The following NEK7 variants were observed in gnomAD, a reference collection of about 807,000 sequenced individuals.
NEK7 encodes NIMA related kinase 7.
NEK7 carries 18 observed loss-of-function variants against 44.6 expected under a neutral mutation model. The ratio of observed to expected loss-of-function variants is 0.40; its 90% CI spans 0.28 to 0.60. The LOEUF (loss-of-function observed/expected upper bound fraction) is 0.60, where lower values mean the gene tolerates loss of function less well. Ranked by LOEUF, NEK7 falls within the 20% of genes least tolerant of loss-of-function variation. The probability of loss-of-function intolerance (pLI) is 0.38; values close to 1 mark genes in which losing one functional copy is unlikely to be tolerated. For missense variants in NEK7, 256 were observed against 366.5 expected, an observed-to-expected ratio of 0.70 and a Z score of 2.46; for synonymous variants, 130 against 121.1, an observed-to-expected ratio of 1.07 and a Z score of -0.48.
At chr1:198,231,113 A>T (rs1340372718) in intron 1 of NEK7, among the ~76,000 whole-genome samples, 4 of 151,288 alleles carry the variant, frequency 2.6e-5, no homozygotes, top group Non-Finnish European at 1.5e-5. Flanking sequence ...AAGACTTTAT[A>T]ATAAGCTATA....
chr1:198,311,691 A>G (rs1403027276), intron 9 of NEK7, among the ~76,000 whole-genome samples: 5 of 152,188 alleles, frequency 3.3e-5, no homozygotes, highest in African/African-American at 4.8e-5. Context: ...ATCTATTGAG[A>G]TAATCATGTG....
chr1:198,316,789 A>T (rs1036704851), intron 9 of NEK7, among the ~76,000 whole-genome samples: 1 of 152,256 alleles, frequency 6.6e-6, no homozygotes, highest in Admixed American at 6.5e-5. Context: ...GAACAATTGA[A>T]TGAACGGATG....
intron 1 of NEK7, among the ~76,000 whole-genome samples, chr1:198,210,955 T>G (rs1460872294): frequency 6.6e-6 from 1 of 151,784 alleles, no homozygotes; most frequent in African/African-American, 2.4e-5. Context: ...GGTTTCACCG[T>G]TTTAGCCGGG....
intron 3 of NEK7, among the ~76,000 whole-genome samples, chr1:198,255,067 G>A (rs1344689042): frequency 6.6e-6 from 1 of 152,118 alleles, no homozygotes; most frequent in Non-Finnish European, 1.5e-5. Flanking sequence ...ATGGGTTCCT[G>A]ATTTAAATAA....
intron 1 of NEK7, among the ~76,000 whole-genome samples, chr1:198,209,809 TA>T (rs1665711829): frequency 6.6e-6 from 1 of 151,960 alleles, no homozygotes; most frequent in Non-Finnish European, 1.5e-5. Context: ...GTCTAATATT[TA>T]TTTATATTTT....
chr1:198,218,254 T>A (rs10801652), intron 1 of NEK7, among the ~76,000 whole-genome samples: 1 of 151,600 alleles, frequency 6.6e-6, no homozygotes, highest in African/African-American at 2.4e-5. Flanking sequence ...AGAGAACCTC[T>A]AAATAAAGAC....
At chr1:198,210,473 T>C (rs935755648) in intron 1 of NEK7, among the ~76,000 whole-genome samples, 1 of 152,204 alleles carries the variant, frequency 6.6e-6, no homozygotes, top group Non-Finnish European at 1.5e-5. Flanking sequence ...GTTAGACTTA[T>C]ACTTTGTTTC....
At chr1:198,194,318 CG>C (rs922366809) in intron 1 of NEK7, among the ~76,000 whole-genome samples, 3 of 143,072 alleles carry the variant, frequency 2.1e-5, no homozygotes, top group South Asian at 4.4e-4. Flanking sequence ...TTTTTAAGTT[CG>C]GGGCATGTGG....
rs551213448 is a variant in NEK7 at position 198,269,185 on chromosome 1, A to G, written c.372+4950A>G. Among the ~76,000 whole-genome samples the G allele has an allele frequency of 4.5e-4, 68 of 152,236 alleles. 1 individual carries two copies. The highest frequency in any genetic ancestry group is 4.3e-3 in the Admixed American group (66 of 15,272). On this transcript the variant is annotated intron_variant, in intron 5 of 9. Coordinates refer to ENST00000367385, the MANE Select transcript of NEK7 (RefSeq NM_133494.3). ...TCTTCAGCTTCTAGCTCATAGCACC[A>G]ACTTCAATAAATATGTAGTGAATAG...
intron 2 of NEK7, among the ~76,000 whole-genome samples, chr1:198,234,734 C>T (rs1412768299): frequency 6.6e-6 from 1 of 152,296 alleles, no homozygotes; most frequent in Non-Finnish European, 1.5e-5. Flanking sequence ...GTTTATGCCT[C>T]CTGCTGCTGC....
At chr1:198,186,610 AG>A (rs773357125) in intron 1 of NEK7, among the ~76,000 whole-genome samples, 4 of 152,220 alleles carry the variant, frequency 2.6e-5, no homozygotes, top group Non-Finnish European at 5.9e-5. Context: ...CATGACAGAC[AG>A]TCTTTCCTGA....
chr1:198,197,971 G>A (rs995804813), intron 1 of NEK7: 1 of 1,532,798 alleles, frequency 6.5e-7, no homozygotes, highest in Admixed American at 2.0e-5. Flanking sequence ...AGGAGGGTAG[G>A]GACCCGAGGA....
intron 1 of NEK7, among the ~76,000 whole-genome samples, chr1:198,228,002 G>T (rs1666278376): frequency 6.6e-6 from 1 of 152,134 alleles, no homozygotes; most frequent in Non-Finnish European, 1.5e-5. Flanking sequence ...ATGGTTTCAG[G>T]TCTAACATTT....
At chr1:198,270,752 T>A (rs1653811447) in intron 5 of NEK7, among the ~76,000 whole-genome samples, 3 of 152,132 alleles carry the variant, frequency 2.0e-5, no homozygotes, top group Non-Finnish European at 4.4e-5. Flanking sequence ...TGTTTACAAC[T>A]GTATTTTGTA....
At chr1:198,267,465 A>C (rs945265881) in intron 5 of NEK7, among the ~76,000 whole-genome samples, 1 of 152,094 alleles carries the variant, frequency 6.6e-6, no homozygotes, top group African/African-American at 2.4e-5. Flanking sequence ...TTTTTTTGAG[A>C]TGGAATCTCA....
rs78497749 is a variant in NEK7, at chr1:198,259,829, A to G, written c.199-2746A>G. Among the ~76,000 whole-genome samples, 141 of 152,228 alleles carry G rather than the reference A, an allele frequency of 9.3e-4. 5 individuals are homozygous for G. In the East Asian group the frequency reaches 0.026, roughly 28 times the overall value. On this transcript the variant is annotated intron_variant, in intron 3 of 9. Coordinates refer to ENST00000367385, the MANE Select transcript of NEK7 (RefSeq NM_133494.3). ...CACACACTCACACACACACACACAT[A>G]TATATTTTCCTGAAGGGCATTACGC...
chr1:198,271,776 G>C (rs906637174), intron 5 of NEK7, among the ~76,000 whole-genome samples: 1 of 151,558 alleles, frequency 6.6e-6, no homozygotes, highest in Non-Finnish European at 1.5e-5. Context: ...TTTTGTATGA[G>C]ATCATCACCT....
chr1:198,313,880 T>C (rs1655267840), intron 9 of NEK7, among the ~76,000 whole-genome samples: 1 of 152,138 alleles, frequency 6.6e-6, no homozygotes, highest in Non-Finnish European at 1.5e-5. Flanking sequence ...CATTTTTTCC[T>C]TCATTTCAAC....
chr1:198,262,536 G>T (rs761955594), intron 3 of NEK7, 39 bp from the exon 4 acceptor site: 4 of 1,260,570 alleles, frequency 3.2e-6, no homozygotes, highest in Non-Finnish European at 3.4e-6. Flanking sequence ...TGAACCATAG[G>T]TTATTATTTT....
Sources: gnomAD v4.1 joint callset for allele counts (sites outside exome capture counted in the v4.1 genomes callset) on GRCh38, gnomAD v4.1.1 for gene constraint, MANE v1.5 for transcripts, NCBI Gene and HGNC (gene_info 2026-07-23, HGNC 2026-07-21) for gene names.